Variants in AK5 observed in about 807,000 individuals in gnomAD.
AK5 encodes the protein adenylate kinase 5.
Under a neutral mutation model 69.5 loss-of-function variants are expected in AK5, and 27 were observed. The observed-to-expected ratio is 0.39, with a 90% CI of 0.29 to 0.54. AK5 has a LOEUF of 0.54. Ranked by LOEUF, AK5 falls within the 20% of genes least tolerant of loss-of-function variation. The pLI is 0.71. For synonymous variants in AK5, 260 were observed against 244.4 expected, an observed-to-expected ratio of 1.06 and a Z score of -0.60; for missense variants, 531 against 700.4, an observed-to-expected ratio of 0.76 and a Z score of 2.73.
chr1:77,548,651 G>A (rs1317670743), intron 13 of AK5, among the ~76,000 whole-genome samples: 1 of 152,124 alleles, frequency 6.6e-6, no homozygotes, highest in Non-Finnish European at 1.5e-5. Context: ...GAAAATTCAG[G>A]AAAAACACAA....
At chr1:77,439,784 G>GTA (rs528453296) in intron 8 of AK5, among the ~76,000 whole-genome samples, 236 of 149,634 alleles carry the variant, frequency 1.6e-3, no homozygotes, top group East Asian at 5.7e-3. Context: ...ATATATGTAT[G>GTA]TATACATGTA....
At chr1:77,329,024 A>G (rs1417462655) in intron 5 of AK5, among the ~76,000 whole-genome samples, 1 of 152,126 alleles carries the variant, frequency 6.6e-6, no homozygotes, top group East Asian at 1.9e-4. Flanking sequence ...TATTAACCCA[A>G]TTGCCTCCCA....
intron 5 of AK5, among the ~76,000 whole-genome samples, chr1:77,337,910 T>A (rs1219383009): frequency 6.6e-6 from 1 of 152,146 alleles, no homozygotes; most frequent in Admixed American, 6.5e-5. Flanking sequence ...ACGCCTGTGC[T>A]TACACAGTGG....
At chr1:77,552,460 A>G (rs1659869682) in intron 13 of AK5, among the ~76,000 whole-genome samples, 2 of 152,202 alleles carry the variant, frequency 1.3e-5, no homozygotes, top group African/African-American at 4.8e-5. Context: ...TTATCTGGCC[A>G]AGAAGTGAAA....
At chr1:77,404,230 C>T (rs138837511) in intron 6 of AK5, among the ~76,000 whole-genome samples, 1 of 152,118 alleles carries the variant, frequency 6.6e-6, no homozygotes, top group African/African-American at 2.4e-5. Flanking sequence ...TCACGACTGA[C>T]ATTTTATGAG....
At chr1:77,446,725 T>G (rs1456530386) in intron 8 of AK5, among the ~76,000 whole-genome samples, 1 of 152,224 alleles carries the variant, frequency 6.6e-6, no homozygotes, top group African/African-American at 2.4e-5. Context: ...TTGTTGTTAT[T>G]GTTCAGGTCA....
At chr1:77,326,901 G>C (rs942986837) in intron 5 of AK5, among the ~76,000 whole-genome samples, 2 of 152,028 alleles carry the variant, frequency 1.3e-5, no homozygotes, top group East Asian at 1.9e-4. Flanking sequence ...TAGGAATTTG[G>C]ACCACATGAT....
chr1:77,324,714 T>C (rs1397217952), intron 5 of AK5, among the ~76,000 whole-genome samples: 1 of 148,852 alleles, frequency 6.7e-6, no homozygotes, highest in Non-Finnish European at 1.5e-5. Context: ...AAAAAAAACC[T>C]CTACCCTCCT....
chr1:77,558,485 G>T, intron 13 of AK5, 117 bp from the exon 14 acceptor site: 1 of 621,992 alleles, frequency 1.6e-6, no homozygotes, highest in South Asian at 2.1e-5. Context: ...TTTGGGGGGG[G>T]TCTTGTGTTT....
At chr1:77,301,935 C>T (rs1659364078) in intron 5 of AK5, among the ~76,000 whole-genome samples, 1 of 144,018 alleles carries the variant, frequency 6.9e-6, no homozygotes, top group Admixed American at 7.3e-5. Flanking sequence ...ATATTGGAGA[C>T]TAATATGCTA....
At chr1:77,367,691 ACGT>A (rs1646998744) in intron 6 of AK5, among the ~76,000 whole-genome samples, 1 of 68,934 alleles carries the variant, frequency 1.5e-5, no homozygotes, top group African/African-American at 5.5e-5. Flanking sequence ...TGTTATATAT[ACGT>A]TATATGTTAT....
chr1:77,301,411 A>G (rs1451010478), intron 5 of AK5, among the ~76,000 whole-genome samples: 1 of 152,248 alleles, frequency 6.6e-6, no homozygotes, highest in Non-Finnish European at 1.5e-5. Context: ...TGGAACTGAG[A>G]GGAAGGCCGG....
intron 8 of AK5, among the ~76,000 whole-genome samples, chr1:77,478,367 G>A (rs779918672): frequency 2.0e-5 from 3 of 152,152 alleles, no homozygotes; most frequent in African/African-American, 4.8e-5. Context: ...TCATGGGGGC[G>A]GGTCTTTCCT....
At chr1:77,547,907 G>C (rs1202145338) in intron 13 of AK5, among the ~76,000 whole-genome samples, 1 of 152,160 alleles carries the variant, frequency 6.6e-6, no homozygotes, top group Non-Finnish European at 1.5e-5. Flanking sequence ...ATATTGCATA[G>C]TTCTAGACTA....
At chr1:77,418,920 T>A (rs893338302) in intron 8 of AK5, among the ~76,000 whole-genome samples, 1 of 152,318 alleles carries the variant, frequency 6.6e-6, no homozygotes, top group South Asian at 2.1e-4. Context: ...TAGCTACACA[T>A]GTTTATAGTA....
intron 2 of AK5, chr1:77,293,487 A>G (rs1448444148): frequency 9.4e-6 from 2 of 212,240 alleles, no homozygotes; most frequent in South Asian, 1.1e-4. Context: ...AGTTCATCTC[A>G]CTGCCTGTTT....
At chr1:77,376,826 G>A (rs1171767037) in intron 6 of AK5, among the ~76,000 whole-genome samples, 1 of 152,102 alleles carries the variant, frequency 6.6e-6, no homozygotes, top group Non-Finnish European at 1.5e-5. Flanking sequence ...GGGAAGCTGA[G>A]GTGAGAGGAT....
chr1:77,345,958 G>C (rs1047802048), intron 6 of AK5: 1 of 151,922 alleles, frequency 6.6e-6, no homozygotes, highest in Non-Finnish European at 1.5e-5. Flanking sequence ...ATAAACAGCT[G>C]ATTAACACAT....
At chr1:77,383,521 C>CA (rs886332874) in intron 6 of AK5, among the ~76,000 whole-genome samples, 2 of 152,040 alleles carry the variant, frequency 1.3e-5, no homozygotes, top group Admixed American at 6.5e-5. Context: ...TTCCCCGTAT[C>CA]AAAAAAATGC....
Sources: gnomAD v4.1 joint callset for allele counts (sites outside exome capture counted in the v4.1 genomes callset) on GRCh38, gnomAD v4.1.1 for gene constraint, MANE v1.5 for transcripts, NCBI Gene and HGNC (gene_info 2026-07-23, HGNC 2026-07-21) for gene names.